DNAAF9: variants seen among roughly 807,000 people sequenced by gnomAD.
DNAAF9 encodes the protein dynein axonemal assembly factor 9.
DNAAF9 carries 90 observed loss-of-function variants against 167.0 expected under a neutral mutation model. The observed-to-expected ratio is 0.54, with a 90% CI of 0.45 to 0.64. DNAAF9 has a LOEUF of 0.64. Ranked by LOEUF, DNAAF9 falls within the 30% of genes least tolerant of loss-of-function variation. The pLI is 0.00. For synonymous variants in DNAAF9, 491 were observed against 508.8 expected, an observed-to-expected ratio of 0.96 and a Z score of 0.47; for missense variants, 1,315 against 1,442.2, an observed-to-expected ratio of 0.91 and a Z score of 1.43.
At chr20:3,308,161 TG>T (rs1265973455) in intron 20 of DNAAF9, among the ~76,000 whole-genome samples, 12 of 152,026 alleles carry the variant, frequency 7.9e-5, no homozygotes, top group Admixed American at 7.2e-4. Flanking sequence ...CACACTTGAA[TG>T]TATTTGTAAA....
At chr20:3,371,958 G>A (rs772486148) in intron 6 of DNAAF9, among the ~76,000 whole-genome samples, 17 of 152,218 alleles carry the variant, frequency 1.1e-4, no homozygotes, top group Non-Finnish European at 1.9e-4. Flanking sequence ...TGCTTCCCAG[G>A]AAGAAAAAAT....
At chr20:3,388,364 G>T (rs2083780200) in intron 1 of DNAAF9, among the ~76,000 whole-genome samples, 2 of 152,034 alleles carry the variant, frequency 1.3e-5, no homozygotes, top group African/African-American at 4.8e-5. Context: ...ATTAAAAATA[G>T]AATTACCACA....
At chr20:3,394,517 T>G (rs2083871890) in intron 1 of DNAAF9, among the ~76,000 whole-genome samples, 1 of 152,164 alleles carries the variant, frequency 6.6e-6, no homozygotes. Flanking sequence ...CCTTCCCCAG[T>G]CAGTATTATA....
chr20:3,284,627 TTTCTCTGAAACAACAGATAA>T lies in DNAAF9; in HGVS notation c.2487-2881_2487-2862del, dbSNP rs1182672707. Among the ~76,000 whole-genome samples, 5 of 152,340 alleles carry T rather than the reference TTTCTCTGAAACAACAGATAA, an allele frequency of 3.3e-5. No individual in the cohort carries two copies. In the East Asian group the frequency reaches 9.6e-4, roughly 29 times the overall value. On this transcript the variant is annotated intron_variant, in intron 27 of 36. Transcript: ENST00000252032. ...AAACCCAGCAGGACCTTAACTTTCTTTTCTCTGAAACAACAGATAATCTATTCAAGTCTCCTTTGGGCTCA... is the reference window on the plus strand; with the variant it reads ...AAACCCAGCAGGACCTTAACTTTCTTTCTATTCAAGTCTCCTTTGGGCTCA...
At chr20:3,270,380 T>C (rs769630894) in intron 30 of DNAAF9, 47 bp downstream of exon 30, 1 of 1,554,674 alleles carries the variant, frequency 6.4e-7, no homozygotes, top group Non-Finnish European at 8.9e-7. Flanking sequence ...GACAGAGTGC[T>C]GTATCTGAGA....
chr20:3,308,542 C>T (rs1460526442), intron 20 of DNAAF9, among the ~76,000 whole-genome samples: 2 of 151,876 alleles, frequency 1.3e-5, no homozygotes, highest in Admixed American at 6.6e-5. Flanking sequence ...TGGGGTTTCA[C>T]CACGCTGGCC....
chr20:3,277,552 T>C (rs943892078), intron 29 of DNAAF9, among the ~76,000 whole-genome samples: 2 of 152,016 alleles, frequency 1.3e-5, no homozygotes, highest in African/African-American at 4.8e-5. Context: ...GAAGGACAGG[T>C]ACCACCAACC....
At chr20:3,310,894 A>G (rs1687980748) in intron 20 of DNAAF9, among the ~76,000 whole-genome samples, 1 of 152,204 alleles carries the variant, frequency 6.6e-6, no homozygotes, top group South Asian at 2.1e-4. Context: ...CTGGCAAAAC[A>G]GCAAGTGTTG....
chr20:3,372,745 G>C (rs748665012), intron 6 of DNAAF9, among the ~76,000 whole-genome samples: 33 of 152,110 alleles, frequency 2.2e-4, no homozygotes, highest in Non-Finnish European at 4.6e-4. Flanking sequence ...GTGAAACTGG[G>C]AAATTCATTT....
chr20:3,304,225 C>T (rs552389566), intron 21 of DNAAF9, among the ~76,000 whole-genome samples: 2 of 152,258 alleles, frequency 1.3e-5, no homozygotes, highest in East Asian at 3.9e-4. Context: ...TCTAGGTAAG[C>T]CCTTTACAGA....
chr20:3,291,413 G>A (rs1284887178), intron 25 of DNAAF9, among the ~76,000 whole-genome samples: 3 of 147,492 alleles, frequency 2.0e-5, no homozygotes, highest in Non-Finnish European at 3.0e-5. Context: ...GTGCAATCTC[G>A]GCTCACTGCA....
At chr20:3,294,966 C>T (rs903204055) in intron 23 of DNAAF9, among the ~76,000 whole-genome samples, 5 of 150,654 alleles carry the variant, frequency 3.3e-5, no homozygotes, top group African/African-American at 1.2e-4. Context: ...CCCGGGTTCA[C>T]GCCATTCTCC....
intron 21 of DNAAF9, among the ~76,000 whole-genome samples, chr20:3,303,737 C>G (rs567794819): frequency 6.6e-6 from 1 of 152,344 alleles, no homozygotes; most frequent in South Asian, 2.1e-4. Context: ...TGAGACCAGG[C>G]AGAGTGGTGG....
intron 1 of DNAAF9, among the ~76,000 whole-genome samples, chr20:3,400,208 CCTTCA>C (rs1471738510): frequency 6.6e-6 from 1 of 152,186 alleles, no homozygotes; most frequent in East Asian, 1.9e-4. Context: ...CAATTCCTTT[CCTTCA>C]CTTATTTGAC....
At position 3,281,694 on chromosome 20, in the gene DNAAF9, G is replaced by A. The variant is rs2068766607; in HGVS notation, c.2559C>T (p.Thr853=). Residue 853 remains threonine (T), a synonymous_variant, in exon 28 of 37, where the codon ACC becomes ACT. Transcript: ENST00000252032. ...CCACACATGCTGTGATGGCACCAAT[G>A]GTGAAGGAGGCCTTGACATTTGAGT... ...HPDSNVKASF[T]IGAITACVEP... 1 of 1,612,726 alleles carries A rather than the reference G, an allele frequency of 6.2e-7. No homozygotes were observed. The highest frequency in any genetic ancestry group is 1.7e-5 in the Admixed American group (1 of 59,820).
chr20:3,263,841 T>C (rs2068437501), intron 31 of DNAAF9, among the ~76,000 whole-genome samples: 1 of 152,258 alleles, frequency 6.6e-6, no homozygotes, highest in Non-Finnish European at 1.5e-5. Context: ...TTTCATTAAA[T>C]AGCCATGTGG....
chr20:3,386,093 C>T (rs753155585), intron 1 of DNAAF9, among the ~76,000 whole-genome samples: 24 of 152,072 alleles, frequency 1.6e-4, no homozygotes, highest in Non-Finnish European at 3.1e-4. Flanking sequence ...TCGAGGCCAG[C>T]CTGGGCAATA....
At chr20:3,316,578 G>A in intron 18 of DNAAF9, 145 bp downstream of exon 18, 1 of 554,794 alleles carries the variant, frequency 1.8e-6, no homozygotes, top group Non-Finnish European at 3.4e-6. Context: ...AAGAGAAAGG[G>A]CTGGGATCAA....
At chr20:3,373,989 T>C in intron 6 of DNAAF9, 59 bp downstream of exon 6, 2 of 1,046,708 alleles carry the variant, frequency 1.9e-6, no homozygotes, top group Non-Finnish European at 3.0e-6. Context: ...TCACATGGGT[T>C]CTTCATAAAA....
Sources: gnomAD v4.1 joint callset for allele counts (sites outside exome capture counted in the v4.1 genomes callset) on GRCh38, gnomAD v4.1.1 for gene constraint, MANE v1.5 for transcripts, NCBI Gene and HGNC (gene_info 2026-07-23, HGNC 2026-07-21) for gene names.